The following NREP variants were observed in gnomAD, a reference collection of about 807,000 sequenced individuals.
The protein encoded by NREP is neuronal regeneration related protein.
Under a neutral mutation model 8.6 loss-of-function variants are expected in NREP, and 5 were observed. That is an observed-to-expected ratio of 0.58 (90% CI 0.30 to 1.22). The LOEUF (loss-of-function observed/expected upper bound fraction) is 1.22. NREP is among the 50% of genes most tolerant of loss of function. NREP has a pLI of 0.07. For synonymous variants in NREP, 27 were observed against 28.0 expected, an observed-to-expected ratio of 0.96 and a Z score of 0.11; for missense variants, 86 against 82.5, an observed-to-expected ratio of 1.04 and a Z score of -0.17.
chr5:111,806,754 G>T (rs1490382957), intron 2 of NREP, among the ~76,000 whole-genome samples: 1 of 152,094 alleles, frequency 6.6e-6, no homozygotes, highest in Non-Finnish European at 1.5e-5. Context: ...TCTCTGTTAC[G>T]ATTTTGAATG....
chr5:111,893,403 A>G (rs1052589887), intron 2 of NREP, among the ~76,000 whole-genome samples: 10 of 151,956 alleles, frequency 6.6e-5, no homozygotes, highest in Admixed American at 2.0e-4. Flanking sequence ...AAATTCTTAC[A>G]GCTTTTTTTT....
At chr5:111,732,045 T>C (rs575590034) in intron 3 of NREP, 1 of 152,322 alleles carries the variant, frequency 6.6e-6, no homozygotes, top group South Asian at 2.1e-4. Context: ...TTACTGACAT[T>C]TTCTTGGAAG....
chr5:111,927,746 C>T (rs1416743118), intron 2 of NREP, among the ~76,000 whole-genome samples: 1 of 152,114 alleles, frequency 6.6e-6, no homozygotes, highest in Non-Finnish European at 1.5e-5. Flanking sequence ...CCACTTTTTT[C>T]CCTTTCCTCC....
At chr5:111,880,730 C>CTTTT (rs140190021) in intron 2 of NREP, among the ~76,000 whole-genome samples, 7 of 92,178 alleles carry the variant, frequency 7.6e-5, no homozygotes, top group Non-Finnish European at 1.3e-4. Flanking sequence ...GAACATAAGC[C>CTTTT]TTTTTTTTTT....
intron 2 of NREP, among the ~76,000 whole-genome samples, chr5:111,876,511 C>T (rs1301671311): frequency 6.6e-6 from 1 of 152,124 alleles, no homozygotes; most frequent in African/African-American, 2.4e-5. Flanking sequence ...TCCAATGAAA[C>T]ACAGTTCCCA....
intron 1 of NREP, chr5:111,756,112 C>A: frequency 1.8e-6 from 2 of 1,111,464 alleles, no homozygotes; most frequent in Non-Finnish European, 2.2e-6. Context: ...GGTTTAGCAA[C>A]TTAAAAGTAG....
rs75585255 is a variant in NREP at position 111,775,792 on chromosome 5, C to A, written c.136-40285G>T. On this transcript the variant is annotated intron_variant, in intron 2 of 3. Transcript: ENST00000395634. ...ACAAACAACAATTTGGGGGAAAATA[C>A]TTGTGACTCCTATCACAAAGAAAGA... Among the ~76,000 whole-genome samples, 1,024 of 152,174 alleles carry A rather than the reference C, an allele frequency of 6.7e-3. 8 individuals are homozygous for A. The highest frequency in any genetic ancestry group is 8.3e-3 in the Non-Finnish European group (567 of 67,990).
At chr5:111,762,007 G>T (rs255901), upstream of NREP, among the ~76,000 whole-genome samples, 6 of 152,164 alleles carry the variant, frequency 3.9e-5, no homozygotes, top group East Asian at 5.8e-4. Flanking sequence ...GCACGGAGAA[G>T]GGGCAGAAAT....
At chr5:111,780,394 T>C (rs1183273190) in intron 2 of NREP, among the ~76,000 whole-genome samples, 2 of 151,892 alleles carry the variant, frequency 1.3e-5, no homozygotes, top group Non-Finnish European at 2.9e-5. Flanking sequence ...GATAAGAAAA[T>C]AGAGGGAAAC....
rs558888885 is a variant in NREP, at chr5:111,949,930, T to C, written c.135+25344A>G. Among the ~76,000 whole-genome samples the C allele has an allele frequency of 2.6e-5, 4 of 152,188 alleles. No individual in the cohort carries two copies. The South Asian group carries it at 8.3e-4, about 32-fold the overall frequency. On this transcript the variant is annotated intron_variant, in intron 2 of 3. Coordinates refer to the NREP transcript ENST00000395634. ...TTTATGGTAGAATGATTTATAATCG[T>C]TTGGGTGTATACCCAGTAATGGGAC...
intron 2 of NREP, among the ~76,000 whole-genome samples, chr5:111,887,076 A>C (rs1432691915): frequency 1.8e-4 from 28 of 151,924 alleles, no homozygotes; most frequent in Admixed American, 1.7e-3. Context: ...GGTGCATGCC[A>C]CTATGCCCAG....
At chr5:111,772,930 T>C (rs1222109942) in intron 2 of NREP, among the ~76,000 whole-genome samples, 1 of 152,196 alleles carries the variant, frequency 6.6e-6, no homozygotes, top group East Asian at 1.9e-4. Context: ...TTCTCTTAAA[T>C]AGCAAAATGA....
intron 2 of NREP, among the ~76,000 whole-genome samples, chr5:111,841,192 C>A (rs75135878): frequency 6.6e-6 from 1 of 152,138 alleles, no homozygotes; most frequent in Non-Finnish European, 1.5e-5. Context: ...TGCTCAGACT[C>A]TCTGAAGAAC....
At chr5:111,973,883 T>C (rs1756889782) in intron 2 of NREP, among the ~76,000 whole-genome samples, 1 of 152,232 alleles carries the variant, frequency 6.6e-6, no homozygotes, top group Non-Finnish European at 1.5e-5. Context: ...AGTTACCTGG[T>C]TTAATGCTGT....
At chr5:111,837,734 G>A (rs1752929103) in intron 2 of NREP, among the ~76,000 whole-genome samples, 1 of 151,944 alleles carries the variant, frequency 6.6e-6, no homozygotes, top group Non-Finnish European at 1.5e-5. Flanking sequence ...ATTATAAATT[G>A]CTATTGAAAT....
chr5:111,867,497 C>T (rs186150835), intron 2 of NREP, among the ~76,000 whole-genome samples: 17 of 152,206 alleles, frequency 1.1e-4, no homozygotes, highest in African/African-American at 3.9e-4. Context: ...TCTTATTTAG[C>T]CTTACTTACT....
chr5:111,796,735 T>C (rs1751881402), intron 2 of NREP, among the ~76,000 whole-genome samples: 1 of 152,166 alleles, frequency 6.6e-6, no homozygotes, highest in Non-Finnish European at 1.5e-5. Flanking sequence ...ACTGATAATA[T>C]AATGACCACT....
chr5:111,970,665 A>G (rs978656732), intron 2 of NREP, among the ~76,000 whole-genome samples: 1 of 151,964 alleles, frequency 6.6e-6, no homozygotes, highest in African/African-American at 2.4e-5. Flanking sequence ...GCCTCCACTA[A>G]AAACACAGAA....
At chr5:111,953,072 T>A (rs1015385166) in intron 2 of NREP, among the ~76,000 whole-genome samples, 5 of 152,138 alleles carry the variant, frequency 3.3e-5, no homozygotes, top group African/African-American at 1.2e-4. Flanking sequence ...GAAATTACGC[T>A]TTTTATGATT....
Sources: allele counts gnomAD v4.1 joint callset (sites outside exome capture counted in the v4.1 genomes callset), GRCh38; gene constraint gnomAD v4.1.1; transcripts MANE v1.5; gene names NCBI Gene and HGNC (gene_info 2026-07-23, HGNC 2026-07-21).